OTUD5: variants seen among roughly 807,000 people sequenced by gnomAD.
OTUD5 encodes the protein OTU deubiquitinase 5, also known as OTU domain-containing protein 5.
A neutral mutation model predicts 36.3 loss-of-function variants in OTUD5; 2 were observed. The observed-to-expected ratio is 0.06, with a 90% CI of 0.02 to 0.17. The LOEUF (loss-of-function observed/expected upper bound fraction) is 0.17. OTUD5 is among the 10% of genes least tolerant of loss of function. The pLI, the probability that OTUD5 is intolerant of heterozygous loss-of-function variation, is 1.00. For missense variants in OTUD5, 233 were observed against 512.3 expected, an observed-to-expected ratio of 0.45 and a Z score of 5.26; for synonymous variants, 234 against 214.9, an observed-to-expected ratio of 1.09 and a Z score of -0.78.
At chrX:48,954,410 T>G (rs1175859445) in intron 1 of OTUD5, among the ~76,000 whole-genome samples, 1 of 110,877 alleles carries the variant, frequency 9.0e-6, no homozygotes, top group Non-Finnish European at 1.9e-5. Context: ...TAAGGAGGTG[T>G]TTTTGAATTA....
rs151250500 is a variant in OTUD5, at chrX:48,936,810, A to C, written c.689-1792T>G. On this transcript the variant is annotated intron_variant, in intron 2 of 8. Transcript: ENST00000376488. ...TGGGCCTGAAGATCATGCAAGTCTG[A>C]TTTCCACTGGTTTTGGGAATTTCCC... Among the ~76,000 whole-genome samples the C allele has an allele frequency of 2.9e-3, 324 of 111,642 alleles. 2 individuals carry two copies. Among genetic ancestry groups the C allele is most frequent in the African/African-American group, 9.9e-3 (304 of 30,722 alleles).
intron 1 of OTUD5, among the ~76,000 whole-genome samples, chrX:48,950,251 G>A (rs1193468890): frequency 9.0e-6 from 1 of 111,340 alleles, no homozygotes; most frequent in Non-Finnish European, 1.9e-5. Flanking sequence ...GGACCTAAAT[G>A]CAATCACAAG....
intron 5 of OTUD5, among the ~76,000 whole-genome samples, chrX:48,927,318 T>G (rs1217505706): frequency 9.0e-6 from 1 of 110,804 alleles, no homozygotes; most frequent in Non-Finnish European, 1.9e-5. Context: ...GGACACCTGG[T>G]GTCCATCCTC....
intron 1 of OTUD5, among the ~76,000 whole-genome samples, chrX:48,945,396 G>A (rs1245032263): frequency 2.9e-5 from 3 of 103,655 alleles, no homozygotes; most frequent in Non-Finnish European, 5.8e-5. Context: ...TCAGCCTCCC[G>A]ACTAGCTGGG....
chrX:48,948,351 TCAAAAA>T (rs1338994790), intron 1 of OTUD5, among the ~76,000 whole-genome samples: 26 of 110,326 alleles, frequency 2.4e-4, no homozygotes, highest in Admixed American at 7.7e-4. Context: ...AGACTATGTC[TCAAAAA>T]CAAAAACAAA....
chrX:48,947,707 GAAAAA>G (rs782359236), intron 1 of OTUD5, among the ~76,000 whole-genome samples: 1 of 84,395 alleles, frequency 1.2e-5, no homozygotes. Flanking sequence ...CTGTCTCAAG[GAAAAA>G]AAAAAAAAAG....
Position 48,944,339 on chromosome X carries a change from G to GC in OTUD5, c.595-57dup, listed in dbSNP as rs1275823723. The GC allele has an allele frequency of 3.7e-6, 3 of 802,157 alleles. No individual in the cohort carries two copies. The African/African-American group carries it at 6.1e-5, about 16-fold the overall frequency. The allele number at this position is 802,157 out of a possible 1,213,427, so 66.1% of individuals were successfully genotyped here. A position where few individuals can be genotyped will look rare whatever the true frequency, so the allele number is the denominator to read the frequency against. ...GGAAAACCTGTACTCCCTCCCCAGG[G>GC]CCCCGACCTCAAGCTCCCGAGAGGC... On this transcript the variant is annotated intron_variant, in intron 1 of 8. Coordinates refer to ENST00000376488, the MANE Select transcript of OTUD5 (RefSeq NM_001136157.2).
At chrX:48,925,346 G>T in intron 6 of OTUD5, among the ~76,000 whole-genome samples, 1 of 107,276 alleles carries the variant, frequency 9.3e-6, no homozygotes. Context: ...AACTCCTTGC[G>T]ATTTTACAAT....
Position 48,923,701 on chromosome X carries a change from G to C in OTUD5, c.1511C>G (p.Pro504Arg). Residue 504 changes from proline (P) to arginine (R), a missense_variant, in exon 8 of 9, where the codon CCC becomes CGC. Pro to Arg is a moderately radical substitution (Grantham distance 103, BLOSUM62 -2). This residue lies in a region of OTUD5 where 57 missense variants were observed against 133.1 expected (regional missense o/e 0.43). Transcript: ENST00000376488. ...FSAGADRATS[P>R]LVSLYPALEC... ...CAAAGCAGGGTAGAGGGACACAAGG[G>C]GGGAAGTTGCCCGGTCGGCCCCTGC... 8.3e-7 allele frequency: 1 copy of C among 1,209,924 alleles called. No homozygotes were observed. Among genetic ancestry groups the C allele is most frequent in the Non-Finnish European group, 1.1e-6 (1 of 894,250 alleles).
At chrX:48,957,647 T>C (rs2064276904), upstream of OTUD5, 4 of 788,017 alleles carry the variant, frequency 5.1e-6, no homozygotes, top group South Asian at 1.8e-4. Context: ...GGGGCTAGTG[T>C]AGTGCGCGAG....
upstream of OTUD5, chrX:48,957,719 CGGCGGAGGA>C (rs1177851186): frequency 1.5e-5 from 12 of 780,497 alleles, no homozygotes; most frequent in South Asian, 5.7e-5. Flanking sequence ...GAACCCTCGG[CGGCGGAGGA>C]GGCGGCGGCG....
At chrX:48,952,681 C>A (rs1466538521) in intron 1 of OTUD5, among the ~76,000 whole-genome samples, 1 of 111,754 alleles carries the variant, frequency 8.9e-6, no homozygotes, top group African/African-American at 3.3e-5. Context: ...TCAACACTAC[C>A]CATTTCATGG....
chrX:48,939,805 A>G (rs924911647), intron 2 of OTUD5, among the ~76,000 whole-genome samples: 1 of 112,523 alleles, frequency 8.9e-6, no homozygotes, highest in East Asian at 2.8e-4. Flanking sequence ...AAGAAGCAAG[A>G]CATGAGAGCC....
Position 48,957,325 on chromosome X carries a change from C to T in OTUD5, c.246G>A (p.Ala82=). Residue 82 remains alanine (A), a synonymous_variant, in exon 1 of 9, where the codon GCG becomes GCA. Transcript: ENST00000376488. ...PGPPGALHRW[A]LAVPPGAVAG... ...CCACTGCACCAGGCGGCACGGCCAG[C>T]GCCCAGCGATGAAGAGCGCCCGGCG... 2 of 1,133,210 alleles carry T rather than the reference C, an allele frequency of 1.8e-6. No individual in the cohort carries two copies. The highest frequency in any genetic ancestry group is 1.9e-5 in the African/African-American group (1 of 53,748). The allele number at this position is 1,133,210 out of a possible 1,213,427, so 93.4% of individuals were successfully genotyped here. A position where few individuals can be genotyped will look rare whatever the true frequency, so the allele number is the denominator to read the frequency against.
At chrX:48,941,432 CAAAAAAAAAAAAAAAAAAA>C (rs200040194) in intron 2 of OTUD5, among the ~76,000 whole-genome samples, 3 of 31,928 alleles carry the variant, frequency 9.4e-5, no homozygotes, top group African/African-American at 4.3e-4. Context: ...GACTCCATCT[CAAAAAAAAAAAAAAAAAAA>C]AAAAAAAAAA....
intron 5 of OTUD5, among the ~76,000 whole-genome samples, chrX:48,928,799 A>T (rs2063703732): frequency 1.0e-5 from 1 of 96,136 alleles, no homozygotes; most frequent in African/African-American, 3.8e-5. Context: ...ACTGCACTCC[A>T]GCCTGGGCAA....
intron 5 of OTUD5, among the ~76,000 whole-genome samples, chrX:48,930,327 T>G (rs1411032671): frequency 1.2e-4 from 13 of 111,530 alleles, no homozygotes; most frequent in African/African-American, 4.2e-4. Flanking sequence ...GTTACATAAA[T>G]GGATGGTAGG....
intron 1 of OTUD5, among the ~76,000 whole-genome samples, chrX:48,956,482 C>G (rs782440674): frequency 9.0e-6 from 1 of 111,623 alleles, no homozygotes; most frequent in Non-Finnish European, 1.9e-5. Flanking sequence ...GTCTCAGACT[C>G]TTGAAAGGGC....
intron 1 of OTUD5, among the ~76,000 whole-genome samples, chrX:48,953,025 T>C (rs1202431226): frequency 3.6e-5 from 4 of 112,086 alleles, no homozygotes; most frequent in Non-Finnish European, 7.5e-5. Flanking sequence ...CACCTGGGCA[T>C]GGACAAACTT....
Sources: allele counts gnomAD v4.1 joint callset (sites outside exome capture counted in the v4.1 genomes callset), GRCh38; gene constraint gnomAD v4.1.1; regional missense constraint gnomAD v4.1.1; transcripts MANE v1.5; gene names NCBI Gene and HGNC (gene_info 2026-07-23, HGNC 2026-07-21).